Variants in PALB2 observed in about 807,000 individuals in gnomAD.
The protein encoded by PALB2 is mutant partner and localizer of BRCA2.
A neutral mutation model predicts 107.4 loss-of-function variants in PALB2; 82 were observed. The ratio of observed to expected loss-of-function variants is 0.76; its 90% CI spans 0.64 to 0.92. The LOEUF (loss-of-function observed/expected upper bound fraction) is 0.92. PALB2 is among the 40% of genes least tolerant of loss of function. The pLI is 0.00. For missense variants in PALB2, 1,374 were observed against 1,379.9 expected, an observed-to-expected ratio of 1.00 and a Z score of 0.07; for synonymous variants, 489 against 496.8, an observed-to-expected ratio of 0.98 and a Z score of 0.21.
chr16:23,630,395 C>A lies in PALB2; in HGVS notation c.1759G>T (p.Ala587Ser), dbSNP rs1060502733. Residue 587 changes from alanine (A) to serine (S), a missense_variant, in exon 5 of 13, where the codon GCT becomes TCT. Ala to Ser is a moderately conservative substitution (Grantham distance 99). Transcript: ENST00000261584. Reference sequence around the variant, plus strand: ...TCCCTATGAAATGGAGCCGTGAAAGCATCATCATCCAAGGATAAATAAGCA... The same window carrying A: ...TCCCTATGAAATGGAGCCGTGAAAGAATCATCATCCAAGGATAAATAAGCA... ...NSAYLSLDDD[A>S]FTAPFHRDGM... is the part of the protein sequence containing the mutation. 1 of 1,614,102 alleles carries A rather than the reference C, an allele frequency of 6.2e-7. No individual in the cohort carries two copies. The highest frequency in any genetic ancestry group is 2.2e-5 in the East Asian group (1 of 44,884).
chr16:23,618,667 CAT>C (rs1180749490), intron 10 of PALB2, among the ~76,000 whole-genome samples: 2 of 151,554 alleles, frequency 1.3e-5, no homozygotes, highest in African/African-American at 2.4e-5. Flanking sequence ...CAGAGTAAGA[CAT>C]AGTCTAAAAA....
chr16:23,631,109 C>CAAAA (rs58841030), intron 4 of PALB2, among the ~76,000 whole-genome samples: 1 of 58,460 alleles, frequency 1.7e-5, no homozygotes, highest in Non-Finnish European at 3.6e-5. Context: ...ACTAAAAATA[C>CAAAA]AAAAAAAAAA....
At chr16:23,614,163 T>C (rs780456866) in intron 10 of PALB2, 72 bp from the exon 11 acceptor site, 1 of 1,108,368 alleles carries the variant, frequency 9.0e-7, no homozygotes, top group Non-Finnish European at 1.3e-6. Flanking sequence ...ATTTTCTTAT[T>C]CATCATAGCA....
Position 23,614,023 on chromosome 16 carries a change from T to C in PALB2, c.3182A>G (p.His1061Arg), listed in dbSNP as rs1966634515. The change falls in exon 11 of 13, where the codon CAC becomes CGC. Residue 1061 changes from histidine to arginine, a missense_variant. By Grantham distance (29) the His-to-Arg change is conservative. Coordinates refer to ENST00000261584, the MANE Select transcript of PALB2 (RefSeq NM_024675.4). ...ACTTACCATTTCAGAATAGGCTTTG[T>C]GACAGACTGAAGCTTGGTAAGAATC... ...IDDSYQASVC[H>R]KAYSEMGLLF... The C allele has an allele frequency of 3.1e-6, 5 of 1,613,218 alleles. No homozygotes were observed. The highest frequency in any genetic ancestry group is 1.3e-5 in the African/African-American group (1 of 74,926).
chr16:23,617,350 G>A (rs2142312103), intron 10 of PALB2, among the ~76,000 whole-genome samples: 1 of 152,134 alleles, frequency 6.6e-6, no homozygotes, highest in East Asian at 1.9e-4. Context: ...CAGGCACCAA[G>A]AATAGATATG....
At chr16:23,637,993 A>G (rs1291162340) in intron 2 of PALB2, 41 bp from the exon 3 acceptor site, 3 of 1,605,956 alleles carry the variant, frequency 1.9e-6, no homozygotes, top group African/African-American at 1.3e-5. Flanking sequence ...CGTTTTCTTT[A>G]AAGTTTTATA....
rs1060502809 is a variant in PALB2, at chr16:23,603,601, C to G, written c.3419G>C (p.Trp1140Ser). Residue 1140 changes from tryptophan (W) to serine (S), a missense_variant, in exon 13 of 13, where the codon TGG (tryptophan) becomes TCG (serine). Physicochemically the swap from Trp to Ser is radical, Grantham distance 177. Coordinates refer to ENST00000261584, the MANE Select transcript of PALB2 (RefSeq NM_024675.4). ...AGTACACTGACCGAGAAGTAAGTCCCAAATGGCAATTGTTCCAGAAGTCAA... is the reference window on the plus strand; with the variant it reads ...AGTACACTGACCGAGAAGTAAGTCCGAAATGGCAATTGTTCCAGAAGTCAA... Reference protein sequence around the residue: ...AILTSGTIAIWDLLLGQCTAL... With the variant: ...AILTSGTIAISDLLLGQCTAL... 6.2e-7 allele frequency: 1 copy of G among 1,613,846 alleles called. No homozygotes were observed. The highest frequency in any genetic ancestry group is 1.3e-5 in the African/African-American group (1 of 74,852).
intron 11 of PALB2, among the ~76,000 whole-genome samples, chr16:23,609,499 C>T (rs1344218146): frequency 6.6e-6 from 1 of 152,106 alleles, no homozygotes; most frequent in Non-Finnish European, 1.5e-5. Flanking sequence ...AACTATGGCC[C>T]ACCAGGTAAA....
intron 4 of PALB2, among the ~76,000 whole-genome samples, chr16:23,631,275 G>A: frequency 1.1e-5 from 1 of 91,998 alleles, no homozygotes; most frequent in Non-Finnish European, 1.9e-5. Flanking sequence ...GTGAGACTCT[G>A]TCTCAAAAAA....
rs1004080347 is a variant in PALB2, at chr16:23,611,463, A to T, written c.3201+2541T>A. 3.0e-3 allele frequency among the ~76,000 whole-genome samples: 434 copies of T among 146,446 alleles called. 3 individuals are homozygous for T. The highest frequency in any genetic ancestry group is 6.3e-3 in the South Asian group (29 of 4,600). On this transcript the variant is annotated intron_variant, in intron 11 of 12. Transcript: ENST00000261584. ...GCCCAGCCTAGTTATTATTATTATT[A>T]TTATTTTTTTTTGAGATGGAGTTTT...
rs901786175 is a variant in PALB2, at chr16:23,629,660, G to A, written c.2494C>T (p.His832Tyr). 6.2e-7 allele frequency: 1 copy of A among 1,614,104 alleles called. No individual in the cohort carries two copies. Among genetic ancestry groups the A allele is most frequent in the Admixed American group, 1.7e-5 (1 of 60,016 alleles). ...TGTACCTGTTCGACGGAATGTTTAT[G>A]CAGCTCCTGGCATGTGTTTCTACAG... ...QLCRNTCQEL[H>Y]KHSVEQTETA... The change falls in exon 5 of 13, where the codon CAT becomes TAT. Residue 832 changes from histidine (H) to tyrosine (Y), a missense_variant. Physicochemically the swap from His to Tyr is moderately conservative, Grantham distance 83. Transcript: ENST00000261584.
At chr16:23,640,808 G>A (rs1227347594) in intron 1 of PALB2, 3 of 352,008 alleles carry the variant, frequency 8.5e-6, no homozygotes, top group Non-Finnish European at 1.6e-5. Flanking sequence ...CGTCCGGGGG[G>A]AGAAGTAAAG....
At chr16:23,633,181 G>A (rs778605161) in intron 4 of PALB2, among the ~76,000 whole-genome samples, 5 of 152,104 alleles carry the variant, frequency 3.3e-5, no homozygotes, top group Non-Finnish European at 5.9e-5. Flanking sequence ...ATCCTTGTTC[G>A]CTTAAAAGAT....
intron 4 of PALB2, among the ~76,000 whole-genome samples, chr16:23,632,114 T>G (rs1966883542): frequency 6.6e-6 from 1 of 152,206 alleles, no homozygotes; most frequent in African/African-American, 2.4e-5. Context: ...AACAAAGTAC[T>G]GATGCATGTT....
chr16:23,638,234 C>T, intron 1 of PALB2, 105 bp from the exon 2 acceptor site: 1 of 852,416 alleles, frequency 1.2e-6, no homozygotes, highest in Non-Finnish European at 2.1e-6. Flanking sequence ...CAGGGAGTAG[C>T]ACTGGTCCAT....
At chr16:23,613,897 A>G (rs1567209702) in intron 11 of PALB2, 107 bp downstream of exon 11, 1 of 820,194 alleles carries the variant, frequency 1.2e-6, no homozygotes. Context: ...CAATTTTGAA[A>G]AAAGATGCCA....
At chr16:23,617,158 A>C (rs1461439370) in intron 10 of PALB2, among the ~76,000 whole-genome samples, 1 of 152,160 alleles carries the variant, frequency 6.6e-6, no homozygotes, top group Non-Finnish European at 1.5e-5. Flanking sequence ...TTCCAAAAAA[A>C]GCCACTTGAC....
intron 5 of PALB2, among the ~76,000 whole-genome samples, 173 bp from the exon 6 acceptor site, chr16:23,629,448 T>C (rs180891413): frequency 5.4e-4 from 82 of 152,316 alleles, no homozygotes; most frequent in African/African-American, 1.9e-3. Flanking sequence ...CCTCCCATAT[T>C]TAAAAGAAAC....
Position 23,635,556 on chromosome 16 carries a change from A to G in PALB2, c.990T>C (p.Asn330=), listed in dbSNP as rs2142429127. Reference sequence around the variant, plus strand: ...CTGGTAAGTTATTGTAGGTGAGTTCATTTAGAGAACATGAAATATTTGCCT... The same window carrying G: ...CTGGTAAGTTATTGTAGGTGAGTTCGTTTAGAGAACATGAAATATTTGCCT... ...NLEANISCSL[N]ELTYNNLPAN... The change falls in exon 4 of 13, where the codon AAT becomes AAC. Residue 330 remains asparagine (N), a synonymous_variant. Transcript: ENST00000261584. 1 of 1,613,134 alleles carries G rather than the reference A, an allele frequency of 6.2e-7. No individual in the cohort carries two copies. The highest frequency in any genetic ancestry group is 1.1e-5 in the South Asian group (1 of 91,014).
Sources: allele counts gnomAD v4.1 joint callset (sites outside exome capture counted in the v4.1 genomes callset), GRCh38; gene constraint gnomAD v4.1.1; transcripts MANE v1.5; gene names NCBI Gene and HGNC (gene_info 2026-07-23, HGNC 2026-07-21).